Variants in DNAJC13 observed in about 807,000 individuals in gnomAD.
DNAJC13 encodes the protein DnaJ heat shock protein family (Hsp40) member C13.
Under a neutral mutation model 290.5 loss-of-function variants are expected in DNAJC13, and 75 were observed. The observed-to-expected ratio is 0.26, with a 90% confidence interval of 0.21 to 0.31. DNAJC13 has a LOEUF of 0.31. Ranked by LOEUF, DNAJC13 falls within the 10% of genes least tolerant of loss-of-function variation. The pLI is 1.00. For synonymous variants in DNAJC13, 862 were observed against 892.0 expected (o/e 0.97, Z 0.60); for missense variants, 2,260 against 2,674.5 (o/e 0.85, Z 3.42).
intron 13 of DNAJC13, among the ~76,000 whole-genome samples, chr3:132,458,854 T>A (rs1235885779): frequency 6.6e-6 from 1 of 152,214 alleles, no homozygotes. Context: ...TTACCCTTCA[T>A]AAATATTACA....
intron 54 of DNAJC13, among the ~76,000 whole-genome samples, 193 bp from the exon 55 acceptor site, chr3:132,530,805 T>G (rs1936392490): frequency 6.6e-6 from 1 of 152,256 alleles, no homozygotes; most frequent in South Asian, 2.1e-4. Flanking sequence ...AGGACTTCTT[T>G]GGGTCTGCCT....
At chr3:132,498,845 A>G (rs1935319751) in intron 36 of DNAJC13, among the ~76,000 whole-genome samples, 1 of 151,930 alleles carries the variant, frequency 6.6e-6, no homozygotes, top group Admixed American at 6.6e-5. Flanking sequence ...CCTCCCGAGT[A>G]GCTGGGACTA....
chr3:132,524,732 A>G (rs1306344807), intron 51 of DNAJC13, among the ~76,000 whole-genome samples: 1 of 152,238 alleles, frequency 6.6e-6, no homozygotes, highest in East Asian at 1.9e-4. Flanking sequence ...AAACTTAGGG[A>G]AAGCACATAG....
At chr3:132,435,639 C>T (rs1222760096) in intron 2 of DNAJC13, among the ~76,000 whole-genome samples, 1 of 151,886 alleles carries the variant, frequency 6.6e-6, no homozygotes, top group African/African-American at 2.4e-5. Flanking sequence ...CATTTTTTTT[C>T]CCCCTAGTTA....
Position 132,450,710 on chromosome 3 carries a change from C to G in DNAJC13, c.400C>G (p.Pro134Ala). ...AAAACCTGTAATTTTGGAAGTAACT[C>G]CAGGAGGCTTTGACCAAATTAATCC... ...SRKPVILEVTPGGFDQINPAT... is the reference protein window; with the variant it reads ...SRKPVILEVTAGGFDQINPAT... Residue 134 changes from proline to alanine, a missense_variant, in exon 6 of 56, where the codon CCA becomes GCA. Pro to Ala is a conservative substitution (Grantham distance 27, BLOSUM62 -1). Around this residue, in one of 3 missense-constraint regions of DNAJC13, gnomAD observed 762 missense variants for 964.1 expected, o/e 0.79. Transcript: ENST00000260818. 2 of 1,613,204 alleles carry G rather than the reference C, an allele frequency of 1.2e-6. No homozygotes were observed. The highest frequency in any genetic ancestry group is 1.1e-5 in the South Asian group (1 of 91,056).
chr3:132,522,640 T>G (rs999834908), intron 48 of DNAJC13, among the ~76,000 whole-genome samples, 188 bp from the exon 49 acceptor site: 4 of 152,208 alleles, frequency 2.6e-5, no homozygotes, highest in African/African-American at 9.7e-5. Context: ...GTACTGAGTC[T>G]TATTTAAAGG....
chr3:132,470,884 C>T (rs1265609718), intron 20 of DNAJC13, among the ~76,000 whole-genome samples: 94 of 120,232 alleles, frequency 7.8e-4, no homozygotes, highest in Admixed American at 2.2e-3. Flanking sequence ...GCCGGCCGGG[C>T]GGGGGGCTGA....
At chr3:132,506,915 T>C (rs891793488) in intron 42 of DNAJC13, among the ~76,000 whole-genome samples, 7 of 152,150 alleles carry the variant, frequency 4.6e-5, no homozygotes, top group Non-Finnish European at 7.4e-5. Flanking sequence ...TCCTACGTCT[T>C]ACTAGGTCTG....
Position 132,456,488 on chromosome 3 carries a change from AATCTCTTTAC to A in DNAJC13, c.1100-11_1100-2del. ...TTCGTATCTTCTTTTTGAACCTCTT[AATCTCTTTAC>A]AGATGGCAACTTTGCAGATGCTGTA... is the stretch of plus-strand genomic sequence containing the variant. On this transcript the variant is annotated splice_polypyrimidine_tract_variant and splice_region_variant and intron_variant, in intron 10 of 55. Coordinates refer to ENST00000260818, the MANE Select transcript of DNAJC13 (RefSeq NM_015268.4). 1 of 1,612,594 alleles carries A rather than the reference AATCTCTTTAC, an allele frequency of 6.2e-7. No individual in the cohort carries two copies. Among genetic ancestry groups the A allele is most frequent in the Non-Finnish European group, 8.5e-7 (1 of 1,179,480 alleles).
intron 55 of DNAJC13, among the ~76,000 whole-genome samples, chr3:132,533,960 T>C (rs1411549132): frequency 6.6e-6 from 1 of 152,210 alleles, no homozygotes; most frequent in East Asian, 1.9e-4. Flanking sequence ...AAGCTTCTTG[T>C]CTGTGCCTTT....
intron 55 of DNAJC13, 26 bp from the exon 56 acceptor site, chr3:132,538,150 T>C: frequency 1.3e-6 from 2 of 1,589,736 alleles, no homozygotes; most frequent in Non-Finnish European, 1.7e-6. Context: ...TTTCTAGAGG[T>C]GTGTGTTTAC....
At chr3:132,456,885 A>T (rs942010715) in intron 12 of DNAJC13, 53 bp downstream of exon 12, 131 of 1,569,716 alleles carry the variant, frequency 8.3e-5, no homozygotes, top group Non-Finnish European at 9.8e-5. Context: ...ACTACTCAAA[A>T]TGGCAAATAA....
intron 53 of DNAJC13, among the ~76,000 whole-genome samples, chr3:132,526,880 C>G (rs1261222699): frequency 6.6e-6 from 1 of 152,168 alleles, no homozygotes; most frequent in Non-Finnish European, 1.5e-5. Context: ...ACCACATGAT[C>G]TGACTTGTAA....
rs370216085 is a variant in DNAJC13 at position 132,500,893 on chromosome 3, C to T, written c.4516C>T (p.Arg1506Trp). ...EMPSIIKDLCRVLYFGKSIPR... is the reference protein window; with the variant it reads ...EMPSIIKDLCWVLYFGKSIPR... ...GCCTAGCATCATCAAGGATCTCTGT[C>T]GGGTACTATATTTTGGCAAGGTAGG... Residue 1506 changes from arginine (R) to tryptophan (W), a missense_variant, in exon 39 of 56, where the codon CGG (arginine) becomes TGG (tryptophan). Physicochemically the swap from Arg to Trp is moderately radical, Grantham distance 101. This residue lies in a region of DNAJC13 where 1,494 missense variants were observed against 1,693.7 expected (regional missense o/e 0.88). Transcript: ENST00000260818. 44 of 1,613,696 alleles carry T rather than the reference C, an allele frequency of 2.7e-5. 1 individual carries two copies. In the Admixed American group the frequency reaches 3.2e-4, roughly 12 times the overall value.
intron 2 of DNAJC13, among the ~76,000 whole-genome samples, chr3:132,435,996 C>T (rs1005868254): frequency 3.3e-5 from 5 of 152,050 alleles, no homozygotes; most frequent in African/African-American, 7.2e-5. Flanking sequence ...GTGCTCTTAG[C>T]GTAATTCTTT....
At chr3:132,423,149 G>C (rs1470564090) in intron 1 of DNAJC13, among the ~76,000 whole-genome samples, 1 of 152,090 alleles carries the variant, frequency 6.6e-6, no homozygotes, top group East Asian at 1.9e-4. Context: ...GAAATAACTA[G>C]CTGGCTGTGG....
chr3:132,446,397 T>C, intron 2 of DNAJC13, 78 bp from the exon 3 acceptor site: 1 of 982,998 alleles, frequency 1.0e-6, no homozygotes. Flanking sequence ...TTGAACTGTT[T>C]GTTTTGTGTT....
At chr3:132,463,274 A>C (rs1933867057) in intron 16 of DNAJC13, among the ~76,000 whole-genome samples, 2 of 152,204 alleles carry the variant, frequency 1.3e-5, no homozygotes, top group African/African-American at 4.8e-5. Flanking sequence ...ATCAAAGTTT[A>C]TTTGCATTTT....
At chr3:132,495,492 T>C (rs990210457) in intron 35 of DNAJC13, among the ~76,000 whole-genome samples, 23 of 152,194 alleles carry the variant, frequency 1.5e-4, no homozygotes, top group African/African-American at 5.3e-4. Flanking sequence ...TTGTAGGTTT[T>C]AGGTGATACC....
Sources: allele counts gnomAD v4.1 joint callset (sites outside exome capture counted in the v4.1 genomes callset), GRCh38; gene constraint gnomAD v4.1.1; regional missense constraint gnomAD v4.1.1; transcripts MANE v1.5; gene names NCBI Gene and HGNC (gene_info 2026-07-23, HGNC 2026-07-21).